The following SNCAIP variants were observed in gnomAD, a reference collection of about 807,000 sequenced individuals.
The protein encoded by SNCAIP is synphilin-1.
SNCAIP carries 43 observed loss-of-function variants against 86.7 expected under a neutral mutation model. That is an observed-to-expected ratio of 0.50 (90% CI 0.39 to 0.64). SNCAIP has a LOEUF of 0.64. Ranked by LOEUF, SNCAIP falls within the 30% of genes least tolerant of loss-of-function variation. The pLI is 0.00. For missense variants in SNCAIP, 981 were observed against 1,103.1 expected (o/e 0.89, Z 1.57); for synonymous variants, 417 against 427.2 (o/e 0.98, Z 0.29).
chr5:122,395,816 A>G (rs1192142217), intron 2 of SNCAIP, among the ~76,000 whole-genome samples: 1 of 152,184 alleles, frequency 6.6e-6, no homozygotes, highest in Non-Finnish European at 1.5e-5. Context: ...TGTGAAAAAG[A>G]GTATAAAGGT....
At chr5:122,322,283 C>A (rs1753097864) in intron 1 of SNCAIP, among the ~76,000 whole-genome samples, 1 of 152,194 alleles carries the variant, frequency 6.6e-6, no homozygotes, top group Admixed American at 6.5e-5. Context: ...ACTTTACCCC[C>A]AAAGATAAGT....
intron 3 of SNCAIP, among the ~76,000 whole-genome samples, chr5:122,414,182 G>T (rs6882346): frequency 0.26 from 39,091 of 151,708 alleles, 5,197 homozygotes; most frequent in Admixed American, 0.29. Context: ...GCACTGAGAT[G>T]ACAGGTCTGA....
At chr5:122,418,087 C>T (rs304391) in intron 3 of SNCAIP, among the ~76,000 whole-genome samples, 63,165 of 151,962 alleles carry the variant, frequency 0.42, 13,284 homozygotes, top group East Asian at 0.6. Context: ...CAGCCAAGAG[C>T]ATTGTAGGAA....
Position 122,450,731 on chromosome 5 carries a change from C to G in SNCAIP, c.1884C>G (p.Ile628Met). Residue 628 changes from isoleucine to methionine, a missense_variant, in exon 10 of 11, where the codon ATC becomes ATG. Physicochemically the swap from Ile to Met is conservative, Grantham distance 10 (BLOSUM62 1). Transcript: ENST00000261368. ...TACGCCAGTTATTGGGAAAGGAAAT[C>G]TCAGAAAATGTCTGCACCCAGGAAA... ...KILRQLLGKE[I>M]SENVCTQEKL... 6.2e-7 allele frequency: 1 copy of G among 1,614,198 alleles called. No individual in the cohort carries two copies.
At chr5:122,420,585 A>ATATT (rs1554105462) in intron 3 of SNCAIP, among the ~76,000 whole-genome samples, 6,621 of 151,422 alleles carry the variant, frequency 0.044, 176 homozygotes, top group Non-Finnish European at 0.055. Context: ...GTATATATAT[A>ATATT]TTTTTTTTTC....
chr5:122,314,834 T>C (rs150325686), intron 1 of SNCAIP, among the ~76,000 whole-genome samples: 113 of 152,370 alleles, frequency 7.4e-4, no homozygotes, highest in Non-Finnish European at 1.4e-3. Flanking sequence ...AAAGTACTAA[T>C]TGATTCCTAA....
intron 1 of SNCAIP, among the ~76,000 whole-genome samples, chr5:122,380,123 G>A (rs145018427): frequency 0.29 from 44,277 of 151,752 alleles, 7,434 homozygotes; most frequent in East Asian, 0.42. Context: ...TGGTACCAGC[G>A]CCTCCTTGTA....
intron 1 of SNCAIP, among the ~76,000 whole-genome samples, chr5:122,384,103 G>A (rs553265922): frequency 2.0e-5 from 3 of 152,122 alleles, no homozygotes; most frequent in Admixed American, 2.0e-4. Flanking sequence ...ACAATTCAGG[G>A]CTAGGGATGT....
chr5:122,343,527 A>G (rs772834880), intron 1 of SNCAIP, among the ~76,000 whole-genome samples: 8 of 152,222 alleles, frequency 5.3e-5, no homozygotes, highest in Non-Finnish European at 1.2e-4. Flanking sequence ...GCTTTCATGG[A>G]TCACTGAGAA....
intron 5 of SNCAIP, among the ~76,000 whole-genome samples, chr5:122,428,752 C>T (rs1777840869): frequency 6.6e-6 from 1 of 151,734 alleles, no homozygotes; most frequent in South Asian, 2.1e-4. Context: ...CATCCCCCCA[C>T]CCCACAACAG....
intron 6 of SNCAIP, among the ~76,000 whole-genome samples, chr5:122,435,652 T>C (rs1779283611): frequency 6.6e-6 from 1 of 152,092 alleles, no homozygotes; most frequent in Non-Finnish European, 1.5e-5. Flanking sequence ...ATATTTGCCC[T>C]AATACAGATT....
At chr5:122,449,739 G>A in intron 8 of SNCAIP, 106 bp from the exon 9 acceptor site, 1 of 841,026 alleles carries the variant, frequency 1.2e-6, no homozygotes, top group Non-Finnish European at 2.1e-6. Flanking sequence ...TAAGGCTTTT[G>A]TATTTATTGC....
intron 8 of SNCAIP, among the ~76,000 whole-genome samples, chr5:122,446,194 A>C (rs1193858647): frequency 6.6e-6 from 1 of 152,174 alleles, no homozygotes; most frequent in South Asian, 2.1e-4. Context: ...TATTTCAAAA[A>C]AACAAGTTCC....
In SNCAIP at chr5:122,450,851, A is replaced by G; in HGVS notation, c.2004A>G (p.Arg668=). Residue 668 remains arginine (R), a synonymous_variant, in exon 10 of 11, where the codon AGA becomes AGG. Transcript: ENST00000261368. ...GGGAACTGAAGTTAGCCAGGCTGAG[A>G]CAGCTGATGCAGAGGTCACTGAGTG... ...EKRELKLARL[R]QLMQRSLSES... 6.2e-7 allele frequency: 1 copy of G among 1,614,112 alleles called. No individual in the cohort carries two copies. The highest frequency in any genetic ancestry group is 8.5e-7 in the Non-Finnish European group (1 of 1,179,998).
intron 1 of SNCAIP, among the ~76,000 whole-genome samples, chr5:122,316,943 CA>C (rs1385326007): frequency 6.6e-6 from 1 of 152,176 alleles, no homozygotes; most frequent in African/African-American, 2.4e-5. Flanking sequence ...TGGACCAGCT[CA>C]AACCAAAGAA....
At chr5:122,334,129 A>T (rs1485452942) in intron 1 of SNCAIP, among the ~76,000 whole-genome samples, 5 of 152,222 alleles carry the variant, frequency 3.3e-5, no homozygotes, top group Non-Finnish European at 7.3e-5. Context: ...AAGAAATGAA[A>T]ATGGAATGGC....
At chr5:122,416,872 C>T (rs1005343029) in intron 3 of SNCAIP, among the ~76,000 whole-genome samples, 2 of 152,128 alleles carry the variant, frequency 1.3e-5, no homozygotes, top group Non-Finnish European at 2.9e-5. Flanking sequence ...CTTGAAGGCG[C>T]CTAGGTTTCC....
rs1046710898 is a variant in SNCAIP, at chr5:122,347,895, A to T, written c.-47+35611A>T. On this transcript the variant is annotated intron_variant, in intron 1 of 10. Transcript: ENST00000261368. Reference sequence around the variant, plus strand: ...TTCCCCTGATAACGATTTTCTTTTTAAAAAAAATAAGCTAAAAGTGTTTCC... The same window carrying T: ...TTCCCCTGATAACGATTTTCTTTTTTAAAAAAATAAGCTAAAAGTGTTTCC... Among the ~76,000 whole-genome samples, 61 of 152,046 alleles carry T rather than the reference A, an allele frequency of 4.0e-4. 1 individual carries two copies. The highest frequency in any genetic ancestry group is 2.1e-3 in the East Asian group (11 of 5,174).
Position 122,440,653 on chromosome 5 carries a change from C to CA in SNCAIP, c.1322dup (p.Phe442ValfsTer11). On this transcript the variant is annotated frameshift_variant, in exon 7 of 11. Coordinates refer to ENST00000261368, the MANE Select transcript of SNCAIP (RefSeq NM_005460.4). LOFTEE classifies it high-confidence loss of function. ...GGAAAAGATTCTTCTGTGGCTTCTT[C>CA]AGTTTATGCAAGAACAGGGCATCTC... 6.2e-7 allele frequency: 1 copy of CA among 1,613,844 alleles called. No individual in the cohort carries two copies. Among genetic ancestry groups the CA allele is most frequent in the Non-Finnish European group, 8.5e-7 (1 of 1,179,714 alleles).
Sources: allele counts gnomAD v4.1 joint callset (sites outside exome capture counted in the v4.1 genomes callset), GRCh38; gene constraint gnomAD v4.1.1; transcripts MANE v1.5; gene names NCBI Gene and HGNC (gene_info 2026-07-23, HGNC 2026-07-21).